Variants in ZSWIM6 observed in about 807,000 individuals in gnomAD.
ZSWIM6 encodes the protein zinc finger SWIM-type containing 6.
In ZSWIM6, 9 loss-of-function variants were observed where a neutral mutation model predicts 113.2. That is an observed-to-expected ratio of 0.08 (90% CI 0.05 to 0.14). The LOEUF is 0.14. ZSWIM6 is among the 10% of genes least tolerant of loss of function. ZSWIM6 has a pLI of 1.00. For missense variants in ZSWIM6, 1,162 were observed against 1,552.2 expected, an observed-to-expected ratio of 0.75 and a Z score of 4.22; for synonymous variants, 611 against 606.5, an observed-to-expected ratio of 1.01 and a Z score of -0.11.
chr5:61,433,973 T>G (rs1746641468), intron 1 of ZSWIM6, among the ~76,000 whole-genome samples: 1 of 148,894 alleles, frequency 6.7e-6, no homozygotes. Context: ...GCCATGTCCA[T>G]GTAAAATATC....
intron 3 of ZSWIM6, among the ~76,000 whole-genome samples, chr5:61,492,053 G>T (rs757884052): frequency 2.0e-5 from 3 of 152,042 alleles, no homozygotes; most frequent in Non-Finnish European, 4.4e-5. Context: ...ATGCCTCCGT[G>T]TCAACAGTCT....
At chr5:61,351,377 G>A (rs1421870593) in intron 1 of ZSWIM6, among the ~76,000 whole-genome samples, 1 of 152,152 alleles carries the variant, frequency 6.6e-6, no homozygotes, top group African/African-American at 2.4e-5. Context: ...TATGTACCAT[G>A]GCAAGTGGAA....
chr5:61,346,005 C>T (rs112006942), intron 1 of ZSWIM6, among the ~76,000 whole-genome samples: 15,911 of 152,114 alleles, frequency 0.1, 1,166 homozygotes, highest in Admixed American at 0.19. Context: ...AGTGCAGTGG[C>T]GCGATCTCAG....
intron 1 of ZSWIM6, among the ~76,000 whole-genome samples, chr5:61,354,664 T>C (rs538464140): frequency 1.3e-4 from 20 of 152,316 alleles, no homozygotes; most frequent in African/African-American, 4.6e-4. Context: ...TTGTTTGGTA[T>C]TAGAGGCTCC....
intron 1 of ZSWIM6, among the ~76,000 whole-genome samples, chr5:61,394,290 T>G (rs562597023): frequency 7.2e-5 from 11 of 152,308 alleles, no homozygotes; most frequent in Admixed American, 2.6e-4. Flanking sequence ...GTGCTCCTTT[T>G]TGGGAGAGTG....
intron 1 of ZSWIM6, among the ~76,000 whole-genome samples, chr5:61,445,367 C>T: frequency 6.6e-6 from 1 of 152,276 alleles, no homozygotes. Context: ...CATACATCTC[C>T]AGGATTGGCT....
intron 1 of ZSWIM6, among the ~76,000 whole-genome samples, chr5:61,345,683 T>A (rs1056962890): frequency 6.6e-6 from 1 of 152,232 alleles, no homozygotes; most frequent in African/African-American, 2.4e-5. Flanking sequence ...TGTAATGTTC[T>A]TAAATCCATC....
chr5:61,408,689 G>T (rs1746089640), intron 1 of ZSWIM6, among the ~76,000 whole-genome samples: 1 of 152,260 alleles, frequency 6.6e-6, no homozygotes, highest in Non-Finnish European at 1.5e-5. Flanking sequence ...TATGCAAGCT[G>T]TTAAATAAAA....
At chr5:61,399,890 T>G (rs1012155079) in intron 1 of ZSWIM6, among the ~76,000 whole-genome samples, 2 of 152,174 alleles carry the variant, frequency 1.3e-5, no homozygotes, top group African/African-American at 2.4e-5. Context: ...GTTTTGCTGT[T>G]TAATGATTGT....
chr5:61,504,311 C>T (rs1232405094), intron 4 of ZSWIM6, among the ~76,000 whole-genome samples: 1 of 152,184 alleles, frequency 6.6e-6, no homozygotes, highest in Admixed American at 6.5e-5. Context: ...TTCTCCCTTG[C>T]CATCAATGCT....
At chr5:61,443,171 T>G (rs185546455) in intron 1 of ZSWIM6, among the ~76,000 whole-genome samples, 1 of 152,310 alleles carries the variant, frequency 6.6e-6, no homozygotes, top group East Asian at 1.9e-4. Flanking sequence ...CTGTGGCTGA[T>G]TATAAGCCAC....
intron 4 of ZSWIM6, among the ~76,000 whole-genome samples, chr5:61,510,016 A>T (rs1423416218): frequency 9.9e-5 from 15 of 151,940 alleles, no homozygotes; most frequent in Admixed American, 9.8e-4. Context: ...TTTAGCAAGA[A>T]CACTCAAGTC....
At chr5:61,437,466 T>C (rs1282561701) in intron 1 of ZSWIM6, among the ~76,000 whole-genome samples, 1 of 152,068 alleles carries the variant, frequency 6.6e-6, no homozygotes, top group Non-Finnish European at 1.5e-5. Flanking sequence ...CTCACGCCTG[T>C]AGTCCTAGCA....
intron 2 of ZSWIM6, among the ~76,000 whole-genome samples, chr5:61,473,682 A>G (rs1305735211): frequency 6.6e-6 from 1 of 152,212 alleles, no homozygotes; most frequent in African/African-American, 2.4e-5. Context: ...TATTTCATAG[A>G]GTACATTAAT....
chr5:61,387,059 TG>T (rs1163705585), intron 1 of ZSWIM6, among the ~76,000 whole-genome samples: 1 of 152,162 alleles, frequency 6.6e-6, no homozygotes, highest in Non-Finnish European at 1.5e-5. Flanking sequence ...CAAAAGGACT[TG>T]TTCTGATTAT....
chr5:61,512,134 C>T (rs1281340976), intron 4 of ZSWIM6, among the ~76,000 whole-genome samples: 1 of 152,114 alleles, frequency 6.6e-6, no homozygotes, highest in Non-Finnish European at 1.5e-5. Context: ...CTCATGCTGT[C>T]CCAGTCCCTA....
chr5:61,531,602 G>A lies in ZSWIM6; in HGVS notation c.2122G>A (p.Gly708Arg). The A allele has an allele frequency of 6.4e-7, 1 of 1,551,644 alleles. No individual in the cohort carries two copies. Among genetic ancestry groups the A allele is most frequent in the Non-Finnish European group, 8.7e-7 (1 of 1,146,972 alleles). ...AGGACAGCAGCGTATCATGCCTGAT[G>A]GGCTGTACACACAAGAGAAAGTTTG... ...GLGQQRIMPDGLYTQEKVCRN... is the reference protein window; with the variant it reads ...GLGQQRIMPDRLYTQEKVCRN... Residue 708 changes from glycine to arginine, a missense_variant, in exon 9 of 14, where the codon GGG (glycine) becomes AGG (arginine). Physicochemically the swap from Gly to Arg is moderately radical, Grantham distance 125. This residue lies in a region of ZSWIM6 where 620 missense variants were observed against 804.6 expected (regional missense o/e 0.77). Coordinates refer to ENST00000252744, the MANE Select transcript of ZSWIM6 (RefSeq NM_020928.2).
chr5:61,357,138 C>G (rs1012029891), intron 1 of ZSWIM6, among the ~76,000 whole-genome samples: 2 of 151,958 alleles, frequency 1.3e-5, no homozygotes, highest in African/African-American at 4.8e-5. Context: ...ATAAGCATTC[C>G]AGGTGATTCT....
intron 1 of ZSWIM6, among the ~76,000 whole-genome samples, chr5:61,352,716 ATCAAGG>A (rs1744817261): frequency 6.6e-6 from 1 of 152,246 alleles, no homozygotes; most frequent in Non-Finnish European, 1.5e-5. Context: ...TAAGTACTTT[ATCAAGG>A]TCAGTTGTCT....
Sources: gnomAD v4.1 joint callset for allele counts (sites outside exome capture counted in the v4.1 genomes callset) on GRCh38, gnomAD v4.1.1 for gene constraint, gnomAD v4.1.1 regional missense constraint, MANE v1.5 for transcripts, NCBI Gene and HGNC (gene_info 2026-07-23, HGNC 2026-07-21) for gene names.